Variants in FGF12 observed in about 807,000 individuals in gnomAD.
The protein encoded by FGF12 is fibroblast growth factor 12, also known as fibroblast growth factor 12B.
A neutral mutation model predicts 23.6 loss-of-function variants in FGF12; 14 were observed. The observed-to-expected ratio is 0.59, with a 90% CI of 0.39 to 0.93. FGF12 has a LOEUF of 0.93. Ranked by LOEUF, FGF12 falls within the 40% of genes least tolerant of loss-of-function variation. The pLI is 0.00. For synonymous variants in FGF12, 62 were observed against 77.3 expected (o/e 0.80, Z 1.04); for missense variants, 175 against 217.8 (o/e 0.80, Z 1.24).
At chr3:192,528,597 C>G (rs997135974) in intron 2 of FGF12, among the ~76,000 whole-genome samples, 2 of 152,156 alleles carry the variant, frequency 1.3e-5, no homozygotes, top group Admixed American at 6.5e-5. Flanking sequence ...TGTGGGGGCT[C>G]CAACCCCACA....
At chr3:192,205,023 A>G (rs537580354) in intron 4 of FGF12, among the ~76,000 whole-genome samples, 1 of 152,140 alleles carries the variant, frequency 6.6e-6, no homozygotes, top group African/African-American at 2.4e-5. Context: ...TTGATTTTCT[A>G]CTCTCCTAAG....
At chr3:192,379,454 T>A (rs1449557700) in intron 2 of FGF12, among the ~76,000 whole-genome samples, 5 of 150,564 alleles carry the variant, frequency 3.3e-5, no homozygotes, top group African/African-American at 9.8e-5. Flanking sequence ...CTATCTTTTT[T>A]AAATGTCCTT....
At chr3:192,564,069 T>A (rs761774184) in intron 2 of FGF12, among the ~76,000 whole-genome samples, 2 of 151,902 alleles carry the variant, frequency 1.3e-5, no homozygotes, top group Non-Finnish European at 2.9e-5. Flanking sequence ...TTTTTGTTTG[T>A]TTGTTTGTTT....
intron 2 of FGF12, among the ~76,000 whole-genome samples, chr3:192,664,185 T>C (rs1716769052): frequency 6.6e-6 from 1 of 152,192 alleles, no homozygotes; most frequent in African/African-American, 2.4e-5. Flanking sequence ...AATGAATCTA[T>C]CATGAGATAT....
chr3:192,712,338 A>AAAAAT (rs1718716603), intron 2 of FGF12, among the ~76,000 whole-genome samples: 1 of 151,958 alleles, frequency 6.6e-6, no homozygotes, highest in African/African-American at 2.4e-5. Flanking sequence ...AATTATTTTC[A>AAAAAT]ATTTTCTAGA....
chr3:192,253,092 C>T (rs1712146737), intron 4 of FGF12, among the ~76,000 whole-genome samples: 1 of 152,060 alleles, frequency 6.6e-6, no homozygotes, highest in Admixed American at 6.6e-5. Context: ...TTGGATCTCT[C>T]TACTTTTCAC....
At chr3:192,257,811 T>C (rs1712495484) in intron 4 of FGF12, among the ~76,000 whole-genome samples, 1 of 152,124 alleles carries the variant, frequency 6.6e-6, no homozygotes, top group South Asian at 2.1e-4. Context: ...AATACAAATT[T>C]ACACTTTATA....
chr3:192,194,781 C>A (rs938587667), intron 4 of FGF12, among the ~76,000 whole-genome samples: 19 of 152,118 alleles, frequency 1.2e-4, no homozygotes, highest in Non-Finnish European at 2.8e-4. Context: ...TAAATGTACG[C>A]TTTTTTAGTA....
intron 2 of FGF12, among the ~76,000 whole-genome samples, chr3:192,690,635 G>C (rs79178565): frequency 0.041 from 5,968 of 145,468 alleles, 431 homozygotes; most frequent in African/African-American, 0.14. Flanking sequence ...GACAGCAAGA[G>C]AGGAAGGAAG....
chr3:192,155,197 A>G (rs375818106), intron 5 of FGF12, among the ~76,000 whole-genome samples: 6,247 of 150,830 alleles, frequency 0.041, 192 homozygotes, highest in South Asian at 0.061. Flanking sequence ...GCACCCACTG[A>G]CCTGCGCCCA....
At chr3:192,692,684 G>C (rs1281067316) in intron 2 of FGF12, among the ~76,000 whole-genome samples, 1 of 150,882 alleles carries the variant, frequency 6.6e-6, no homozygotes, top group African/African-American at 2.4e-5. Flanking sequence ...CCAGCAGCCT[G>C]GGTGACAGAG....
At chr3:192,507,547 G>A (rs114496486) in intron 2 of FGF12, among the ~76,000 whole-genome samples, 155 of 152,034 alleles carry the variant, frequency 1.0e-3, no homozygotes, top group African/African-American at 3.6e-3. Flanking sequence ...TTTATCTCAC[G>A]ATAAGATTTG....
rs1715908229 is a variant in FGF12, at chr3:192,177,166, T to C, written c.229-6510A>G. Among the ~76,000 whole-genome samples, 3 of 152,238 alleles carry C rather than the reference T, an allele frequency of 2.0e-5. No individual in the cohort carries two copies. The South Asian group carries it at 6.2e-4, about 31-fold the overall frequency. ...TGTCATTCACTGACAATTTTCTCCC[T>C]GACCTTTGGCACGCCAGTTAACCTC... On this transcript the variant is annotated intron_variant, in intron 4 of 5. Transcript: ENST00000445105.
chr3:192,711,243 GGGCCAGCCCCTGCCC>G (rs1428537336), intron 2 of FGF12, among the ~76,000 whole-genome samples: 1 of 143,192 alleles, frequency 7.0e-6, no homozygotes, highest in Non-Finnish European at 1.5e-5. Context: ...AGGGAGGTGG[GGGCCAGCCCCTGCCC>G]GGCCAGCCGC....
chr3:192,616,750 T>A (rs1341984699), intron 2 of FGF12, among the ~76,000 whole-genome samples: 1 of 151,904 alleles, frequency 6.6e-6, no homozygotes, highest in Non-Finnish European at 1.5e-5. Flanking sequence ...CCCTCATGTA[T>A]ATGAGAATGT....
At chr3:192,400,557 T>TG (rs36077458) in intron 2 of FGF12, among the ~76,000 whole-genome samples, 2 of 152,068 alleles carry the variant, frequency 1.3e-5, no homozygotes, top group East Asian at 3.9e-4. Flanking sequence ...TTAATAGAGA[T>TG]GGGGTTTCAC....
intron 2 of FGF12, among the ~76,000 whole-genome samples, chr3:192,600,429 T>C (rs1006568419): frequency 6.6e-6 from 1 of 152,062 alleles, no homozygotes; most frequent in African/African-American, 2.4e-5. Context: ...GTGAAGAATA[T>C]CATCGGTATT....
In FGF12 at chr3:192,439,675, G is replaced by A. The variant is rs115483473; in HGVS notation, c.14-79137C>T. On this transcript the variant is annotated intron_variant, in intron 2 of 5. Transcript: ENST00000445105. ...GCATCTGTGAGCCAGAGAGGTACATGTTGTATAAAAGCATAACATGGCCAG... is the reference window on the plus strand; with the variant it reads ...GCATCTGTGAGCCAGAGAGGTACATATTGTATAAAAGCATAACATGGCCAG... 5.5e-3 allele frequency among the ~76,000 whole-genome samples: 844 copies of A among 152,180 alleles called. 14 individuals are homozygous for A. Among genetic ancestry groups the A allele is most frequent in the African/African-American group, 0.018 (762 of 41,520 alleles).
chr3:192,586,984 T>A (rs1713397733), intron 2 of FGF12, among the ~76,000 whole-genome samples: 1 of 152,124 alleles, frequency 6.6e-6, no homozygotes, highest in Non-Finnish European at 1.5e-5. Context: ...TTAGAAAGAG[T>A]CTAACATGAT....
Sources: allele counts gnomAD v4.1 joint callset (sites outside exome capture counted in the v4.1 genomes callset), GRCh38; gene constraint gnomAD v4.1.1; transcripts MANE v1.5; gene names NCBI Gene and HGNC (gene_info 2026-07-23, HGNC 2026-07-21).